SPATS2L: variants seen among roughly 807,000 people sequenced by gnomAD.
The protein encoded by SPATS2L is SPATS2-like protein.
In SPATS2L, 30 loss-of-function variants were observed where a neutral mutation model predicts 59.6. The observed-to-expected ratio is 0.50, with a 90% CI of 0.38 to 0.68. The LOEUF is 0.68. Among genes scored for constraint, SPATS2L ranks in the 30% least tolerant of loss-of-function variants. The pLI, the probability that SPATS2L is intolerant of heterozygous loss-of-function variation, is 0.00. For synonymous variants in SPATS2L, 252 were observed against 263.5 expected (o/e 0.96, Z 0.42); for missense variants, 615 against 700.0 (o/e 0.88, Z 1.37).
At chr2:200,331,798 TTTG>T (rs996511337) in intron 2 of SPATS2L, among the ~76,000 whole-genome samples, 51 of 152,286 alleles carry the variant, frequency 3.3e-4, no homozygotes, top group African/African-American at 1.2e-3. Flanking sequence ...TGTTAGTTAT[TTTG>T]TTGTTATTGG....
chr2:200,366,361 G>A (rs190121031), intron 2 of SPATS2L, among the ~76,000 whole-genome samples: 7 of 152,186 alleles, frequency 4.6e-5, no homozygotes, highest in South Asian at 2.1e-4. Flanking sequence ...GGACTGACTG[G>A]CACACTCAAA....
chr2:200,405,661 T>A (rs1163467868), intron 3 of SPATS2L, among the ~76,000 whole-genome samples: 1 of 152,204 alleles, frequency 6.6e-6, no homozygotes, highest in East Asian at 1.9e-4. Flanking sequence ...GAGCTGTTTT[T>A]AAGGCATCTC....
intron 2 of SPATS2L, among the ~76,000 whole-genome samples, chr2:200,386,950 A>G (rs1012941643): frequency 6.6e-6 from 1 of 152,228 alleles, no homozygotes; most frequent in African/African-American, 2.4e-5. Flanking sequence ...GCCATCCAGA[A>G]GTCTTCCAAT....
intron 11 of SPATS2L, among the ~76,000 whole-genome samples, chr2:200,471,430 C>G (rs908784762): frequency 6.6e-6 from 1 of 152,024 alleles, no homozygotes; most frequent in Admixed American, 6.6e-5. Context: ...CCACCGATCT[C>G]GGGGCGATGG....
chr2:200,425,689 T>C (rs1343143036), intron 6 of SPATS2L, among the ~76,000 whole-genome samples: 1 of 152,194 alleles, frequency 6.6e-6, no homozygotes, highest in African/African-American at 2.4e-5. Flanking sequence ...TTTTTAATCA[T>C]CCAACATGTG....
In SPATS2L at chr2:200,419,336, C is replaced by G. The variant is rs776901767; in HGVS notation, c.285C>G (p.Pro95=). 2 of 1,610,322 alleles carry G rather than the reference C, an allele frequency of 1.2e-6. No individual in the cohort carries two copies. The highest frequency in any genetic ancestry group is 1.7e-6 in the Non-Finnish European group (2 of 1,178,260). ...AGGTGGAGAGGCCTGAGGCAGGGCC[C>G]CTGCAGCCGCAGCCACCACAGATTC... is the stretch of plus-strand genomic sequence containing the variant. The part of the protein sequence containing the change: ...KDKVERPEAG[P]LQPQPPQIQN... Residue 95 remains proline (P), a synonymous_variant, in exon 6 of 13, where the codon CCC becomes CCG. Transcript: ENST00000409140.
chr2:200,466,670 T>C (rs1241897939), intron 9 of SPATS2L, among the ~76,000 whole-genome samples: 8 of 152,328 alleles, frequency 5.3e-5, no homozygotes, highest in Admixed American at 4.6e-4. Context: ...GGGACACTTA[T>C]AGAAAGACCT....
At chr2:200,453,003 G>C (rs2106160286) in intron 8 of SPATS2L, among the ~76,000 whole-genome samples, 1 of 152,250 alleles carries the variant, frequency 6.6e-6, no homozygotes, top group South Asian at 2.1e-4. Context: ...GGGAATTCCA[G>C]CAGTGTAACA....
At chr2:200,395,074 T>C (rs1003375251) in intron 3 of SPATS2L, among the ~76,000 whole-genome samples, 6 of 152,234 alleles carry the variant, frequency 3.9e-5, no homozygotes, top group Admixed American at 1.3e-4. Context: ...TTAAAGAAAT[T>C]GAATACTAGA....
Position 200,470,012 on chromosome 2 carries a change from A to C in SPATS2L, c.1056A>C (p.Gly352=). 1 of 1,605,672 alleles carries C rather than the reference A, an allele frequency of 6.2e-7. No individual in the cohort carries two copies. Among genetic ancestry groups the C allele is most frequent in the Non-Finnish European group, 8.5e-7 (1 of 1,176,030 alleles). Residue 352 remains glycine, a synonymous_variant, in exon 11 of 13, where the codon GGA becomes GGC. Transcript: ENST00000409140. ...EQLKAQIMLC[G]EITHPKNNYS... is the part of the protein sequence containing the mutation. ...TGAAGGCCCAAATCATGCTCTGCGG[A>C]GAAAGTGAGTTTTGCATATTTGCTG... is the stretch of plus-strand genomic sequence containing the variant.
At chr2:200,374,530 C>T (rs1343473003) in intron 2 of SPATS2L, among the ~76,000 whole-genome samples, 1 of 152,018 alleles carries the variant, frequency 6.6e-6, no homozygotes, top group African/African-American at 2.4e-5. Flanking sequence ...TGGCAATATA[C>T]ACCCCCACCA....
chr2:200,368,141 G>A (rs7583574), intron 2 of SPATS2L, among the ~76,000 whole-genome samples: 37,976 of 151,948 alleles, frequency 0.25, 5,767 homozygotes, highest in South Asian at 0.36. Context: ...CAGGAATCCC[G>A]AACTTCTCAG....
chr2:200,455,142 AG>A (rs2106168781), intron 8 of SPATS2L, among the ~76,000 whole-genome samples: 1 of 152,352 alleles, frequency 6.6e-6, no homozygotes, highest in African/African-American at 2.4e-5. Context: ...ACAATGTACT[AG>A]TAAGTTTCAT....
intron 6 of SPATS2L, among the ~76,000 whole-genome samples, chr2:200,436,768 C>T (rs1453372403): frequency 6.6e-6 from 1 of 152,070 alleles, no homozygotes. Context: ...ACACTATACA[C>T]GAAGATCTGT....
rs556900776 is a variant in SPATS2L at position 200,456,612 on chromosome 2, G to A, written c.789-3157G>A. On this transcript the variant is annotated intron_variant, in intron 8 of 12. Coordinates refer to ENST00000409140, the MANE Select transcript of SPATS2L (RefSeq NM_001100423.2). ...ATTTGATCAACAAAAGTGTTACGAT[G>A]GTCTTGTAGCTGATAAAGAAATTAG... 3.3e-5 allele frequency among the ~76,000 whole-genome samples: 5 copies of A among 152,260 alleles called. No individual in the cohort carries two copies. The East Asian group carries it at 9.7e-4, about 29-fold the overall frequency.
chr2:200,459,876 G>A (rs745824017), intron 9 of SPATS2L, 49 bp downstream of exon 9: 2 of 1,363,208 alleles, frequency 1.5e-6, no homozygotes, highest in African/African-American at 2.9e-5. Flanking sequence ...CCAATCAGAA[G>A]CAATCCATAG....
Position 200,306,707 on chromosome 2 carries a change from A to G in SPATS2L, c.-288A>G, listed in dbSNP as rs2079023599. 1 of 984,176 alleles carries G rather than the reference A, an allele frequency of 1.0e-6. No homozygotes were observed. Among genetic ancestry groups the G allele is most frequent in the Non-Finnish European group, 1.2e-6 (1 of 829,510 alleles). The allele number at this position is 984,176 out of a possible 1,614,324, so 61.0% of individuals were successfully genotyped here. The stretch of plus-strand genomic sequence containing the variant: ...GGCCGAGCCGGAGTTGTGTCAGTGA[A>G]GGAATCCAGTCCGGGGGCCGAGCTG... On this transcript the variant is annotated 5_prime_UTR_variant, in exon 1 of 13. Transcript: ENST00000409140.
chr2:200,450,901 G>A (rs1011803946), intron 8 of SPATS2L, among the ~76,000 whole-genome samples: 7 of 152,290 alleles, frequency 4.6e-5, no homozygotes, highest in African/African-American at 1.7e-4. Context: ...CTTTGAGCAG[G>A]ATCTTGAAGG....
intron 4 of SPATS2L, among the ~76,000 whole-genome samples, chr2:200,416,132 TA>T (rs1029783886): frequency 6.6e-6 from 1 of 152,102 alleles, no homozygotes; most frequent in African/African-American, 2.4e-5. Context: ...AATATAATGA[TA>T]AAAAAGTAAG....
Sources: gnomAD v4.1 joint callset for allele counts (sites outside exome capture counted in the v4.1 genomes callset) on GRCh38, gnomAD v4.1.1 for gene constraint, MANE v1.5 for transcripts, NCBI Gene and HGNC (gene_info 2026-07-23, HGNC 2026-07-21) for gene names.